The following DNER variants were observed in gnomAD, a reference collection of about 807,000 sequenced individuals.
The protein encoded by DNER is delta and Notch-like epidermal growth factor-related receptor.
In DNER, 33 loss-of-function variants were observed where a neutral mutation model predicts 78.2. That is an observed-to-expected ratio of 0.42 (90% CI 0.32 to 0.56). The LOEUF is 0.56. Ranked by LOEUF, DNER falls within the 20% of genes least tolerant of loss-of-function variation. The probability of loss-of-function intolerance (pLI) is 0.11; values close to 1 mark genes in which losing one functional copy is unlikely to be tolerated. For synonymous variants in DNER, 417 were observed against 384.8 expected (o/e 1.08, Z -0.98); for missense variants, 918 against 975.3 (o/e 0.94, Z 0.78).
intron 1 of DNER, among the ~76,000 whole-genome samples, chr2:229,598,717 G>T (rs1233467758): frequency 1.3e-5 from 2 of 152,160 alleles, no homozygotes; most frequent in East Asian, 1.9e-4. Flanking sequence ...CCTCCACCAA[G>T]AAGAGGTGGT....
At chr2:229,616,654 C>T (rs73107341) in intron 1 of DNER, among the ~76,000 whole-genome samples, 2,228 of 152,292 alleles carry the variant, frequency 0.015, 62 homozygotes, top group African/African-American at 0.051. Context: ...TCATCATCTC[C>T]ACTCTCTGGG....
intron 1 of DNER, among the ~76,000 whole-genome samples, chr2:229,669,867 G>A (rs577030046): frequency 1.2e-4 from 18 of 152,146 alleles, no homozygotes; most frequent in South Asian, 6.2e-4. Flanking sequence ...AATAAATGTC[G>A]TCCATAACAC....
chr2:229,410,820 G>GAAAAATGAAAATCAATATTTTAA (rs1693496036), intron 9 of DNER, among the ~76,000 whole-genome samples: 1 of 152,124 alleles, frequency 6.6e-6, no homozygotes, highest in South Asian at 2.1e-4. Flanking sequence ...ATTAATATTT[G>GAAAAATGAAAATCAATATTTTAA]AAAAATGAAA....
At chr2:229,422,358 G>A (rs1408913677) in intron 8 of DNER, among the ~76,000 whole-genome samples, 1 of 152,130 alleles carries the variant, frequency 6.6e-6, no homozygotes, top group Admixed American at 6.5e-5. Context: ...ACAATCAAAG[G>A]GTGGGATCAG....
At chr2:229,517,649 G>A (rs529789635) in intron 5 of DNER, among the ~76,000 whole-genome samples, 2 of 152,332 alleles carry the variant, frequency 1.3e-5, no homozygotes, top group African/African-American at 2.4e-5. Flanking sequence ...CACTGGGCGT[G>A]CCGTCAAATC....
At chr2:229,380,555 A>T (rs1358507862) in intron 11 of DNER, among the ~76,000 whole-genome samples, 3 of 152,210 alleles carry the variant, frequency 2.0e-5, no homozygotes. Context: ...GCTATGAAAG[A>T]TCAAATTGCC....
At chr2:229,479,550 TA>T (rs1422029314) in intron 6 of DNER, among the ~76,000 whole-genome samples, 1 of 151,898 alleles carries the variant, frequency 6.6e-6, no homozygotes, top group East Asian at 1.9e-4. Context: ...CTGTCTCTAC[TA>T]AAAATACAAA....
intron 5 of DNER, among the ~76,000 whole-genome samples, chr2:229,520,947 C>T (rs996817690): frequency 6.6e-5 from 10 of 152,236 alleles, no homozygotes; most frequent in Admixed American, 2.0e-4. Flanking sequence ...GAAGAAAAGG[C>T]TCAGCCATTC....
intron 5 of DNER, among the ~76,000 whole-genome samples, chr2:229,517,138 T>G (rs958548367): frequency 1.3e-5 from 2 of 150,058 alleles, no homozygotes; most frequent in Non-Finnish European, 3.0e-5. Context: ...GAAAAAAAAT[T>G]AATAAAAGGA....
chr2:229,501,175 G>A (rs1695613865), intron 6 of DNER, among the ~76,000 whole-genome samples: 1 of 151,908 alleles, frequency 6.6e-6, no homozygotes, highest in Admixed American at 6.6e-5. Context: ...GAGTACCTAG[G>A]TTGGTCAAAG....
chr2:229,504,111 T>C (rs995659658), intron 6 of DNER, among the ~76,000 whole-genome samples: 4 of 152,218 alleles, frequency 2.6e-5, no homozygotes, highest in Non-Finnish European at 1.5e-5. Context: ...TGGTGACGTG[T>C]GTATGTGCAT....
chr2:229,619,674 A>T (rs1229375341), intron 1 of DNER, among the ~76,000 whole-genome samples: 1 of 152,236 alleles, frequency 6.6e-6, no homozygotes, highest in Non-Finnish European at 1.5e-5. Flanking sequence ...ACCATTTCTT[A>T]AAAATGACTG....
At chr2:229,439,137 G>A (rs149239341) in intron 8 of DNER, among the ~76,000 whole-genome samples, 14 of 152,278 alleles carry the variant, frequency 9.2e-5, no homozygotes, top group African/African-American at 1.7e-4. Flanking sequence ...AGTTATCACC[G>A]GAGTCACAGA....
chr2:229,384,001 T>A (rs755016748), intron 11 of DNER, among the ~76,000 whole-genome samples: 35 of 152,230 alleles, frequency 2.3e-4, no homozygotes, highest in Non-Finnish European at 3.8e-4. Flanking sequence ...ATTGACCACA[T>A]AATTGGAAGT....
At chr2:229,411,847 G>A (rs1483130116) in intron 9 of DNER, among the ~76,000 whole-genome samples, 1 of 151,998 alleles carries the variant, frequency 6.6e-6, no homozygotes, top group African/African-American at 2.4e-5. Context: ...ATATAAAATT[G>A]TAGGTATACT....
intron 1 of DNER, among the ~76,000 whole-genome samples, chr2:229,646,084 T>C (rs1249318011): frequency 6.6e-6 from 1 of 152,212 alleles, no homozygotes; most frequent in Admixed American, 6.5e-5. Flanking sequence ...TGAATCTAAC[T>C]TTTGGCAGCT....
Position 229,576,421 on chromosome 2 carries a change from T to C in DNER, c.847+9437A>G, listed in dbSNP as rs569697681. Among the ~76,000 whole-genome samples, 120 of 151,818 alleles carry C rather than the reference T, an allele frequency of 7.9e-4. 1 individual carries two copies. The highest frequency in any genetic ancestry group is 2.4e-3 in the African/African-American group (98 of 41,306). On this transcript the variant is annotated intron_variant, in intron 4 of 12. Coordinates refer to ENST00000341772, the MANE Select transcript of DNER (RefSeq NM_139072.4). ...AGGATTTAAATGTCACAGAGGTAGATTGTGAAAACCTACAAATAATTCTTA... is the reference window on the plus strand; with the variant it reads ...AGGATTTAAATGTCACAGAGGTAGACTGTGAAAACCTACAAATAATTCTTA...
At chr2:229,694,498 C>T (rs551177498) in intron 1 of DNER, among the ~76,000 whole-genome samples, 2 of 152,140 alleles carry the variant, frequency 1.3e-5, no homozygotes, top group African/African-American at 4.8e-5. Context: ...GGGGGCTATA[C>T]CCTGCAAAGT....
chr2:229,373,925 G>A (rs1692545109), intron 11 of DNER, among the ~76,000 whole-genome samples: 1 of 152,190 alleles, frequency 6.6e-6, no homozygotes, highest in South Asian at 2.1e-4. Context: ...AGCAGTTTGG[G>A]AGACCGAAGT....
Sources: gnomAD v4.1 joint callset for allele counts (sites outside exome capture counted in the v4.1 genomes callset) on GRCh38, gnomAD v4.1.1 for gene constraint, MANE v1.5 for transcripts, NCBI Gene and HGNC (gene_info 2026-07-23, HGNC 2026-07-21) for gene names.